TYW1B: variants seen among roughly 807,000 people sequenced by gnomAD.
TYW1B encodes S-adenosyl-L-methionine-dependent tRNA 4-demethylwyosine synthase TYW1B.
In TYW1B, 73 loss-of-function variants were observed where a neutral mutation model predicts 86.9. That is an observed-to-expected ratio of 0.84 (90% CI 0.70 to 1.02). The LOEUF (loss-of-function observed/expected upper bound fraction) is 1.02. Ranked by LOEUF, TYW1B falls within the 50% of genes least tolerant of loss-of-function variation. TYW1B has a pLI of 0.00. For synonymous variants in TYW1B, 248 were observed against 292.8 expected, an observed-to-expected ratio of 0.85 and a Z score of 1.56; for missense variants, 637 against 827.4, an observed-to-expected ratio of 0.77 and a Z score of 2.82.
chr7:72,601,188 T>C (rs1811656921), intron 13 of TYW1B, among the ~76,000 whole-genome samples: 1 of 151,326 alleles, frequency 6.6e-6, no homozygotes, highest in Admixed American at 6.6e-5. Context: ...AATTAAAAAA[T>C]GGGCACAAGA....
intron 7 of TYW1B, among the ~76,000 whole-genome samples, chr7:72,762,604 T>G (rs1312736550): frequency 6.6e-6 from 1 of 152,152 alleles, no homozygotes; most frequent in Admixed American, 6.6e-5. Flanking sequence ...TGAGGAAACT[T>G]CCCATGCTGT....
At chr7:72,757,653 T>C (rs752548210) in intron 7 of TYW1B, among the ~76,000 whole-genome samples, 1 of 152,092 alleles carries the variant, frequency 6.6e-6, no homozygotes, top group African/African-American at 2.4e-5. Flanking sequence ...TCAGAATCAA[T>C]ATGGAGTTAC....
chr7:72,730,093 G>A (rs1787075859), intron 8 of TYW1B, among the ~76,000 whole-genome samples: 2 of 152,092 alleles, frequency 1.3e-5, no homozygotes, highest in Non-Finnish European at 2.9e-5. Context: ...CTTTCCCTAT[G>A]AAAACTACTC....
At chr7:72,689,174 G>A (rs1369171458) in intron 11 of TYW1B, among the ~76,000 whole-genome samples, 4 of 152,124 alleles carry the variant, frequency 2.6e-5, no homozygotes, top group Admixed American at 2.0e-4. Flanking sequence ...ATGATGAGAG[G>A]TGGAAATAAA....
In TYW1B at chr7:72,586,580, T is replaced by C. The variant is rs374073246; in HGVS notation, c.1786-10861A>G. 1.3e-4 allele frequency among the ~76,000 whole-genome samples: 20 copies of C among 152,002 alleles called. No individual in the cohort carries two copies. The East Asian group carries it at 2.7e-3, about 21-fold the overall frequency. On this transcript the variant is annotated intron_variant, in intron 13 of 13. Coordinates refer to ENST00000620995, the MANE Select transcript of TYW1B (RefSeq NM_001145440.3). Reference sequence around the variant, plus strand: ...GGTGAAACCCCGTCTCTACTAAAAATACAAAAATTAGCCAGGTGTGGTGGT... The same window carrying C: ...GGTGAAACCCCGTCTCTACTAAAAACACAAAAATTAGCCAGGTGTGGTGGT...
At chr7:72,619,384 GT>G (rs1812159080) in intron 12 of TYW1B, among the ~76,000 whole-genome samples, 1 of 152,144 alleles carries the variant, frequency 6.6e-6, no homozygotes, top group South Asian at 2.1e-4. Flanking sequence ...GCTCACGCCT[GT>G]AATCCCAGCA....
intron 9 of TYW1B, among the ~76,000 whole-genome samples, chr7:72,724,199 C>A (rs1554458218): frequency 6.6e-6 from 1 of 152,168 alleles, no homozygotes; most frequent in Non-Finnish European, 1.5e-5. Flanking sequence ...GAGCCAGGCA[C>A]AGTGGCTCAT....
At chr7:72,757,845 T>C (rs1331065263) in intron 7 of TYW1B, among the ~76,000 whole-genome samples, 1 of 152,222 alleles carries the variant, frequency 6.6e-6, no homozygotes, top group Non-Finnish European at 1.5e-5. Context: ...CTGTCCAACC[T>C]TCAACAGCAT....
chr7:72,627,512 T>TAACATAAATAAAATA (rs782405637), intron 12 of TYW1B, among the ~76,000 whole-genome samples: 10 of 143,322 alleles, frequency 7.0e-5, no homozygotes, highest in African/African-American at 1.6e-4. Flanking sequence ...TAACATAACA[T>TAACATAAATAAAATA]AAATAAAATA....
At chr7:72,741,141 C>T (rs1563078386) in intron 8 of TYW1B, among the ~76,000 whole-genome samples, 2 of 152,052 alleles carry the variant, frequency 1.3e-5, no homozygotes, top group African/African-American at 2.4e-5. Context: ...GAAGCATAGA[C>T]ATTAGACCAA....
At chr7:72,760,025 G>C (rs1009541705) in intron 7 of TYW1B, among the ~76,000 whole-genome samples, 3 of 152,054 alleles carry the variant, frequency 2.0e-5, no homozygotes, top group African/African-American at 7.2e-5. Context: ...AAAAAATCTT[G>C]CTTTTTCCGG....
At chr7:72,775,404 T>A (rs1787936644) in intron 7 of TYW1B, among the ~76,000 whole-genome samples, 1 of 151,856 alleles carries the variant, frequency 6.6e-6, no homozygotes, top group African/African-American at 2.4e-5. Context: ...TAAGAGAAAA[T>A]CTTCCAAGTA....
chr7:72,701,114 A>G (rs1814460712), intron 10 of TYW1B, among the ~76,000 whole-genome samples: 1 of 151,882 alleles, frequency 6.6e-6, no homozygotes, highest in African/African-American at 2.4e-5. Flanking sequence ...CTTTGAACAC[A>G]TTTAAAATAG....
intron 11 of TYW1B, among the ~76,000 whole-genome samples, chr7:72,690,294 T>C (rs1424739778): frequency 1.0e-5 from 1 of 100,226 alleles, no homozygotes; most frequent in Non-Finnish European, 2.5e-5. Flanking sequence ...TAAGATATAT[T>C]TCTCTTTTTT....
At chr7:72,665,720 T>G (rs1813446351) in intron 11 of TYW1B, among the ~76,000 whole-genome samples, 1 of 152,240 alleles carries the variant, frequency 6.6e-6, no homozygotes, top group Admixed American at 6.5e-5. Flanking sequence ...ATATTTTTGT[T>G]TATTTTTTGT....
intron 8 of TYW1B, among the ~76,000 whole-genome samples, chr7:72,743,844 CAAA>C (rs71071911): frequency 6.9e-5 from 6 of 87,454 alleles, no homozygotes; most frequent in Non-Finnish European, 7.6e-5. Flanking sequence ...AACTCCATCT[CAAA>C]AAAAAAAAAA....
At chr7:72,584,746 G>A (rs773554820) in intron 13 of TYW1B, among the ~76,000 whole-genome samples, 4 of 152,046 alleles carry the variant, frequency 2.6e-5, no homozygotes, top group Non-Finnish European at 4.4e-5. Flanking sequence ...ATGAGCCACC[G>A]CACCCGGCCT....
intron 8 of TYW1B, among the ~76,000 whole-genome samples, chr7:72,733,269 T>A (rs1725264785): frequency 6.6e-6 from 1 of 152,006 alleles, no homozygotes. Flanking sequence ...AACTCAGTAT[T>A]ATACGAGGCC....
rs1291799324 is a variant in TYW1B, at chr7:72,600,976, C to T, written c.1785+15696G>A. On this transcript the variant is annotated intron_variant, in intron 13 of 13. Coordinates refer to ENST00000620995, the MANE Select transcript of TYW1B (RefSeq NM_001145440.3). ...TTCGAGACCAGCCTGGCTAACATGG[C>T]GAAGCCCTGTTTCTACTAAAAATAC... is the stretch of plus-strand genomic sequence containing the variant. Among the ~76,000 whole-genome samples the T allele has an allele frequency of 2.6e-5, 4 of 151,756 alleles. No individual in the cohort carries two copies. The South Asian group carries it at 6.3e-4, about 24-fold the overall frequency.
Sources: gnomAD v4.1 joint callset for allele counts (sites outside exome capture counted in the v4.1 genomes callset) on GRCh38, gnomAD v4.1.1 for gene constraint, MANE v1.5 for transcripts, NCBI Gene and HGNC (gene_info 2026-07-23, HGNC 2026-07-21) for gene names.